SH3BGRL2: variants seen among roughly 807,000 people sequenced by gnomAD.
SH3BGRL2 encodes SH3 domain binding glutamate rich protein like 2, also known as SH3 domain-binding glutamic acid-rich-like protein 2.
A neutral mutation model predicts 14.8 loss-of-function variants in SH3BGRL2; 21 were observed. That is an observed-to-expected ratio of 1.42 (90% CI 1.01 to 2.05). The LOEUF is 2.05. Among genes scored for constraint, SH3BGRL2 ranks in the 30% most tolerant of loss-of-function variants. The pLI is 0.00. For synonymous variants in SH3BGRL2, 50 were observed against 47.8 expected (o/e 1.05, Z -0.19); for missense variants, 147 against 130.8 (o/e 1.12, Z -0.61).
intron 1 of SH3BGRL2, among the ~76,000 whole-genome samples, chr6:79,673,277 A>G (rs1048134775): frequency 6.6e-6 from 1 of 152,058 alleles, no homozygotes; most frequent in African/African-American, 2.4e-5. Context: ...TAGGTTGAAG[A>G]AACGACCGTG....
the SH3BGRL2 span, among the ~76,000 whole-genome samples, chr6:79,616,484 ACACATTTTTCT>A: frequency 6.6e-6 from 1 of 152,170 alleles, no homozygotes; most frequent in Non-Finnish European, 1.5e-5. Context: ...GGCCCTTTGT[ACACATTTTTCT>A]CACTTCATCC....
At chr6:79,541,108 C>T in the SH3BGRL2 span, among the ~76,000 whole-genome samples, 2 of 152,064 alleles carry the variant, frequency 1.3e-5, no homozygotes, top group South Asian at 2.1e-4. Flanking sequence ...ACAAAATTAG[C>T]CAGACGTGGT....
intron 3 of SH3BGRL2, 26 bp from the exon 4 acceptor site, chr6:79,699,463 CTTTTTTTTT>C (rs35728679): frequency 6.2e-5 from 55 of 880,822 alleles, no homozygotes; most frequent in East Asian, 2.7e-4. Flanking sequence ...CAATAACTGA[CTTTTTTTTT>C]TTTTTTTTTT....
the SH3BGRL2 span, among the ~76,000 whole-genome samples, chr6:79,611,404 C>CTTTT: frequency 2.4e-5 from 3 of 123,690 alleles, no homozygotes; most frequent in African/African-American, 6.2e-5. Context: ...CAGTATATAA[C>CTTTT]TTTTTTTTTT....
At chr6:79,697,711 G>T (rs1166013751) in intron 3 of SH3BGRL2, among the ~76,000 whole-genome samples, 1 of 152,158 alleles carries the variant, frequency 6.6e-6, no homozygotes, top group Non-Finnish European at 1.5e-5. Context: ...CTTTTATAAA[G>T]ATGGAACATT....
chr6:79,661,801 G>T (rs1249677665), intron 1 of SH3BGRL2, among the ~76,000 whole-genome samples: 4 of 152,238 alleles, frequency 2.6e-5, no homozygotes, highest in East Asian at 3.9e-4. Flanking sequence ...CTTGCTTTAT[G>T]AATCTGGGTG....
the SH3BGRL2 span, among the ~76,000 whole-genome samples, chr6:79,580,908 G>C: frequency 6.6e-6 from 1 of 151,972 alleles, no homozygotes; most frequent in Non-Finnish European, 1.5e-5. Context: ...TAATAAACAA[G>C]AAAAGAGAGA....
At chr6:79,616,386 G>GA in the SH3BGRL2 span, among the ~76,000 whole-genome samples, 2 of 152,172 alleles carry the variant, frequency 1.3e-5, no homozygotes, top group Non-Finnish European at 2.9e-5. Flanking sequence ...AGGAAAGGCA[G>GA]AAAAATAAAG....
chr6:79,649,366 C>T (rs547949192), intron 1 of SH3BGRL2, among the ~76,000 whole-genome samples: 1 of 152,206 alleles, frequency 6.6e-6, no homozygotes, highest in East Asian at 1.9e-4. Flanking sequence ...AATGCAGAAA[C>T]ATATGTGGTA....
intron 2 of SH3BGRL2, among the ~76,000 whole-genome samples, chr6:79,686,290 G>A (rs1770088261): frequency 6.6e-6 from 1 of 152,114 alleles, no homozygotes; most frequent in Non-Finnish European, 1.5e-5. Context: ...TCACTTGAGA[G>A]CAAGTTCTGT....
the SH3BGRL2 span, among the ~76,000 whole-genome samples, chr6:79,582,615 C>T: frequency 2.6e-5 from 4 of 152,184 alleles, no homozygotes; most frequent in Non-Finnish European, 5.9e-5. Context: ...CACTTCCTTA[C>T]ACCTTATACA....
intron 3 of SH3BGRL2, among the ~76,000 whole-genome samples, chr6:79,698,865 G>A (rs1562161470): frequency 6.6e-6 from 1 of 152,122 alleles, no homozygotes; most frequent in Non-Finnish European, 1.5e-5. Flanking sequence ...TTTTTAGGTA[G>A]AAAACCATCA....
intron 1 of SH3BGRL2, among the ~76,000 whole-genome samples, chr6:79,645,359 A>G (rs963464718): frequency 6.6e-6 from 1 of 152,168 alleles, no homozygotes; most frequent in Non-Finnish European, 1.5e-5. Context: ...TTAGACACAA[A>G]CATAACCTGG....
At chr6:79,650,388 A>C (rs1448984049) in intron 1 of SH3BGRL2, among the ~76,000 whole-genome samples, 1 of 152,194 alleles carries the variant, frequency 6.6e-6, no homozygotes, top group East Asian at 1.9e-4. Flanking sequence ...ACAGAAGGTG[A>C]GTCCATAGAA....
At chr6:79,554,964 T>G in the SH3BGRL2 span, among the ~76,000 whole-genome samples, 3 of 152,094 alleles carry the variant, frequency 2.0e-5, no homozygotes, top group African/African-American at 7.2e-5. Flanking sequence ...TCTGGCAATA[T>G]CTAGCTAGAT....
rs76962386 is a variant in SH3BGRL2, at chr6:79,643,906, C to G, written c.45+12400C>G. 9.2e-3 allele frequency among the ~76,000 whole-genome samples: 1,397 copies of G among 152,282 alleles called. 22 individuals are homozygous for G. Among genetic ancestry groups the G allele is most frequent in the African/African-American group, 0.031 (1,301 of 41,558 alleles). On this transcript the variant is annotated intron_variant, in intron 1 of 3. Coordinates refer to ENST00000369838, the MANE Select transcript of SH3BGRL2 (RefSeq NM_031469.4). ...TATGATTTCCTTCGAATGTGATTCT[C>G]TTGCTGTGTGTGATAAAGTTGAATA...
the SH3BGRL2 span, among the ~76,000 whole-genome samples, chr6:79,597,243 AAAG>A: frequency 7.3e-5 from 11 of 151,686 alleles, no homozygotes; most frequent in East Asian, 1.9e-4. Flanking sequence ...AAAAAAGAAG[AAAG>A]AAGAAGAAGA....
At chr6:79,625,166 G>A in the SH3BGRL2 span, among the ~76,000 whole-genome samples, 2 of 150,596 alleles carry the variant, frequency 1.3e-5, no homozygotes, top group Admixed American at 6.6e-5. Context: ...GAACAAGACC[G>A]TGTCTCTATT....
the SH3BGRL2 span, among the ~76,000 whole-genome samples, chr6:79,562,022 G>C: frequency 6.6e-6 from 1 of 152,192 alleles, no homozygotes; most frequent in Admixed American, 6.5e-5. Flanking sequence ...CAGCTCTCTA[G>C]TGTCTACAAG....
Sources: allele counts gnomAD v4.1 joint callset (sites outside exome capture counted in the v4.1 genomes callset), GRCh38; gene constraint gnomAD v4.1.1; transcripts MANE v1.5; gene names NCBI Gene and HGNC (gene_info 2026-07-23, HGNC 2026-07-21).